ABCD2: variants seen among roughly 807,000 people sequenced by gnomAD.
The protein encoded by ABCD2 is ATP binding cassette subfamily D member 2.
ABCD2 carries 36 observed loss-of-function variants against 70.9 expected under a neutral mutation model. The ratio of observed to expected loss-of-function variants is 0.51; its 90% confidence interval spans 0.39 to 0.67. The LOEUF (loss-of-function observed/expected upper bound fraction) is 0.67. Among genes scored for constraint, ABCD2 ranks in the 30% least tolerant of loss-of-function variants. The pLI is 0.00. For synonymous variants in ABCD2, 304 were observed against 306.9 expected (o/e 0.99, Z 0.10); for missense variants, 729 against 890.2 (o/e 0.82, Z 2.30).
intron 7 of ABCD2, among the ~76,000 whole-genome samples, chr12:39,581,710 T>C (rs1941598454): frequency 3.9e-5 from 6 of 152,190 alleles, no homozygotes; most frequent in Admixed American, 2.6e-4. Context: ...AGTATTTGGG[T>C]CAAAGGACAC....
At chr12:39,602,513 C>A (rs1941913765) in intron 5 of ABCD2, among the ~76,000 whole-genome samples, 1 of 152,032 alleles carries the variant, frequency 6.6e-6, no homozygotes, top group Non-Finnish European at 1.5e-5. Flanking sequence ...CCTCTAGAAA[C>A]TTATTTTTCA....
rs1269634027 is a variant in ABCD2, at chr12:39,586,154, C to T, written c.1790G>A (p.Gly597Glu). 6.2e-7 allele frequency: 1 copy of T among 1,607,596 alleles called. No homozygotes were observed. Among genetic ancestry groups the T allele is most frequent in the Non-Finnish European group, 8.5e-7 (1 of 1,177,274 alleles). ...VHLYHIVQREGGWDAVMDWKD... is the reference protein window; with the variant it reads ...VHLYHIVQREEGWDAVMDWKD... ...TAGAAAAGAATGATAGACTTTACCTCCTTCTCTTTGAACTATGTGATAGAG... is the reference window on the plus strand; with the variant it reads ...TAGAAAAGAATGATAGACTTTACCTTCTTCTCTTTGAACTATGTGATAGAG... Residue 597 changes from glycine (G) to glutamate (E), a missense_variant and splice_region_variant, in exon 7 of 10, where the codon GGA becomes GAA. Around this residue, in one of 3 missense-constraint regions of ABCD2, gnomAD observed 289 missense variants for 328.8 expected, o/e 0.88. Transcript: ENST00000308666.
intron 9 of ABCD2, among the ~76,000 whole-genome samples, chr12:39,572,827 C>T (rs1179928676): frequency 1.3e-5 from 2 of 152,100 alleles, no homozygotes; most frequent in Non-Finnish European, 2.9e-5. Context: ...CTTTAGAAAA[C>T]AGGAGGCCAA....
Position 39,587,334 on chromosome 12 carries a change from C to T in ABCD2, c.1647-1037G>A, listed in dbSNP as rs568264368. Among the ~76,000 whole-genome samples, 10 of 152,234 alleles carry T rather than the reference C, an allele frequency of 6.6e-5. No individual in the cohort carries two copies. In the South Asian group the frequency reaches 1.5e-3, roughly 22 times the overall value. On this transcript the variant is annotated intron_variant, in intron 6 of 9. Coordinates refer to ENST00000308666, the MANE Select transcript of ABCD2 (RefSeq NM_005164.4). The stretch of plus-strand genomic sequence containing the variant: ...GACTTACAGCAGGGTTTCTCAACAA[C>T]GGCACTTTGGCTTATTGAACCAGAT...
the ABCD2 span, among the ~76,000 whole-genome samples, chr12:39,532,336 C>T: frequency 6.6e-6 from 1 of 152,176 alleles, no homozygotes; most frequent in Non-Finnish European, 1.5e-5. Context: ...AACTTTAAAA[C>T]GTGAAGCTGA....
chr12:39,541,380 G>T, the ABCD2 span, among the ~76,000 whole-genome samples: 1 of 152,156 alleles, frequency 6.6e-6, no homozygotes, highest in Non-Finnish European at 1.5e-5. Context: ...TCGGTGAGGG[G>T]GCAGCTTTCC....
chr12:39,581,126 A>C (rs1207818731), intron 7 of ABCD2, among the ~76,000 whole-genome samples: 1 of 152,186 alleles, frequency 6.6e-6, no homozygotes, highest in Non-Finnish European at 1.5e-5. Context: ...TAAAAGCATA[A>C]AAAAGAAACA....
rs768904058 is a variant in ABCD2, at chr12:39,579,588, G to T, written c.1824C>A (p.Val608=). The T allele has an allele frequency of 1.9e-4, 306 of 1,612,498 alleles. No homozygotes were observed. Among genetic ancestry groups the T allele is most frequent in the Non-Finnish European group, 2.5e-4 (298 of 1,179,196 alleles). The part of the protein sequence containing the change: ...GWDAVMDWKD[V]LSGGEKQRMG... Reference sequence around the variant, plus strand: ...TTCTTTGCTTTTCCCCTCCTGACAGGACATCTTTCCAGTCCATAACAGCAT... The same window carrying T: ...TTCTTTGCTTTTCCCCTCCTGACAGTACATCTTTCCAGTCCATAACAGCAT... The change falls in exon 8 of 10, where the codon GTC becomes GTA. Residue 608 remains valine, a synonymous_variant. Transcript: ENST00000308666.
Position 39,619,179 on chromosome 12 carries a change from T to C in ABCD2, c.437A>G (p.Lys146Arg). 6.2e-7 allele frequency: 1 copy of C among 1,614,172 alleles called. No homozygotes were observed. The highest frequency in any genetic ancestry group is 8.5e-7 in the Non-Finnish European group (1 of 1,180,028). Reference sequence around the variant, plus strand: ...GGCAATCATAAGCCACTTGATTAATTTGATGATGAAAGTCCGAGGCTTCTT... The same window carrying C: ...GGCAATCATAAGCCACTTGATTAATCTGATGATGAAAGTCCGAGGCTTCTT... ...VEKKPRTFII[K>R]LIKWLMIAIP... is the part of the protein sequence containing the mutation. The change falls in exon 1 of 10, where the codon AAA becomes AGA. Residue 146 changes from lysine to arginine, a missense_variant. This residue lies in a region of ABCD2 where 245 missense variants were observed against 261.2 expected (regional missense o/e 0.94). Coordinates refer to ENST00000308666, the MANE Select transcript of ABCD2 (RefSeq NM_005164.4).
chr12:39,618,210 T>C (rs1224039483), intron 1 of ABCD2, among the ~76,000 whole-genome samples: 1 of 152,162 alleles, frequency 6.6e-6, no homozygotes, highest in Non-Finnish European at 1.5e-5. Flanking sequence ...AAATGTCTTC[T>C]ATAAGAAACC....
chr12:39,542,636 A>G, the ABCD2 span, among the ~76,000 whole-genome samples: 1 of 152,182 alleles, frequency 6.6e-6, no homozygotes, highest in African/African-American at 2.4e-5. Context: ...AGGGGTCACA[A>G]TGAATAGGAT....
chr12:39,612,861 A>C (rs951141551), intron 2 of ABCD2, among the ~76,000 whole-genome samples: 24 of 152,230 alleles, frequency 1.6e-4, no homozygotes, highest in African/African-American at 5.5e-4. Flanking sequence ...CACCCATGCT[A>C]CTGGAGTGCA....
In ABCD2 at chr12:39,560,905, G is replaced by T. The variant is rs112453732; in HGVS notation, c.2004-6774C>A. ...TACAGAGCAAAAATCTGTAGTAGAC[G>T]CACTAAAAATAAAAAGCAAGGAATC... On this transcript the variant is annotated intron_variant, in intron 9 of 9. Coordinates refer to ENST00000308666, the MANE Select transcript of ABCD2 (RefSeq NM_005164.4). Among the ~76,000 whole-genome samples the T allele has an allele frequency of 1.8e-3, 266 of 151,910 alleles. 1 individual carries two copies. The highest frequency in any genetic ancestry group is 6.0e-3 in the African/African-American group (248 of 41,428).
At chr12:39,570,530 G>A (rs545451719) in intron 9 of ABCD2, among the ~76,000 whole-genome samples, 2 of 152,096 alleles carry the variant, frequency 1.3e-5, no homozygotes, top group African/African-American at 4.8e-5. Flanking sequence ...TATATCCACA[G>A]GTAGAAGAAT....
intron 2 of ABCD2, 52 bp downstream of exon 2, chr12:39,616,936 C>G (rs776741947): frequency 3.0e-5 from 45 of 1,488,670 alleles, no homozygotes; most frequent in Non-Finnish European, 3.9e-5. Context: ...ATGACAACTT[C>G]AAAAGAAATA....
the ABCD2 span, among the ~76,000 whole-genome samples, chr12:39,538,386 T>C: frequency 1.3e-5 from 2 of 151,906 alleles, no homozygotes; most frequent in African/African-American, 4.8e-5. Flanking sequence ...TGTTGGCCAG[T>C]CTGGTCTCAA....
At chr12:39,604,622 ATATT>A in intron 4 of ABCD2, 136 bp downstream of exon 4, 2 of 583,726 alleles carry the variant, frequency 3.4e-6, no homozygotes, top group South Asian at 6.7e-5. Context: ...TGCAATACTA[ATATT>A]AGGGATTGCT....
intron 3 of ABCD2, 91 bp downstream of exon 3, chr12:39,607,508 T>C: frequency 9.2e-7 from 1 of 1,087,234 alleles, no homozygotes. Context: ...AAGATATGTT[T>C]CCAAAATACT....
the ABCD2 span, among the ~76,000 whole-genome samples, chr12:39,540,454 T>G: frequency 1.3e-5 from 2 of 152,222 alleles, no homozygotes; most frequent in Non-Finnish European, 2.9e-5. Flanking sequence ...AAAACATGTT[T>G]CTTTGCCATA....
Sources: gnomAD v4.1 joint callset for allele counts (sites outside exome capture counted in the v4.1 genomes callset) on GRCh38, gnomAD v4.1.1 for gene constraint, gnomAD v4.1.1 regional missense constraint, MANE v1.5 for transcripts, NCBI Gene and HGNC (gene_info 2026-07-23, HGNC 2026-07-21) for gene names.